Variants in CMA1 observed in about 807,000 individuals in gnomAD.
CMA1 encodes the protein chymase.
Under a neutral mutation model 18.8 loss-of-function variants are expected in CMA1, and 24 were observed. The ratio of observed to expected loss-of-function variants is 1.28; its 90% confidence interval spans 0.92 to 1.80. CMA1 has a LOEUF of 1.80. CMA1 is among the 40% of genes most tolerant of loss of function. The probability of loss-of-function intolerance (pLI) is 0.00; values close to 1 mark genes in which losing one functional copy is unlikely to be tolerated. For synonymous variants in CMA1, 152 were observed against 117.0 expected (o/e 1.30, Z -1.93); for missense variants, 421 against 302.8 (o/e 1.39, Z -2.90).
At chr14:24,507,323 C>T (rs1471908159) in intron 2 of CMA1, 33 bp downstream of exon 2, 1 of 1,613,770 alleles carries the variant, frequency 6.2e-7, no homozygotes, top group Admixed American at 1.7e-5. Context: ...TGTTCATCTC[C>T]CATTTGGAGA....
intron 1 of CMA1, 191 bp downstream of exon 1, chr14:24,507,986 TC>T (rs2043873041): frequency 3.5e-6 from 2 of 568,618 alleles, no homozygotes; most frequent in South Asian, 4.2e-5. Flanking sequence ...CTGGGGGCTG[TC>T]CTAGGCTGTA....
At chr14:24,508,114 A>G in intron 1 of CMA1, 64 bp downstream of exon 1, 1 of 1,471,572 alleles carries the variant, frequency 6.8e-7, no homozygotes, top group Non-Finnish European at 9.5e-7. Context: ...CTATTTTCAG[A>G]CTAAACATCT....
chr14:24,506,696 T>C (rs1165265483), intron 2 of CMA1, 92 bp from the exon 3 acceptor site: 1 of 1,487,758 alleles, frequency 6.7e-7, no homozygotes, highest in African/African-American at 1.4e-5. Context: ...AGGACTAAAC[T>C]CTGTCACTGG....
chr14:24,506,184 G>A lies in CMA1; in HGVS notation c.444C>T (p.Gly148=), dbSNP rs2043853540. 6.2e-7 allele frequency: 1 copy of A among 1,614,044 alleles called. No homozygotes were observed. Among genetic ancestry groups the A allele is most frequent in the Non-Finnish European group, 8.5e-7 (1 of 1,180,042 alleles). The change falls in exon 4 of 5, where the codon GGC becomes GGT. Residue 148 remains glycine, a synonymous_variant. Coordinates refer to ENST00000250378, the MANE Select transcript of CMA1 (RefSeq NM_001836.5). ...GCTTCAACACACCTGTTCTTCCCCA[G>A]CCAGCCACCCGGCACATTCTCCCAG... is the stretch of plus-strand genomic sequence containing the variant. ...VPPGRMCRVA[G]WGRTGVLKPG...
intron 2 of CMA1, 107 bp downstream of exon 2, chr14:24,507,249 T>C: frequency 7.4e-7 from 1 of 1,352,774 alleles, no homozygotes; most frequent in Non-Finnish European, 1.1e-6. Flanking sequence ...TCCTGAAAGT[T>C]GACAAGACCC....
Position 24,506,454 on chromosome 14 carries a change from G to T in CMA1, c.345+15C>A. ...GAGAATGGGAAGTGGAAAGGGAGAAGAGAGGTGTTGTCACCTTTAGTAACA... is the reference window on the plus strand; with the variant it reads ...GAGAATGGGAAGTGGAAAGGGAGAATAGAGGTGTTGTCACCTTTAGTAACA... On this transcript the variant is annotated intron_variant, in intron 3 of 4. Transcript: ENST00000250378. 6.2e-7 allele frequency: 1 copy of T among 1,613,934 alleles called. No individual in the cohort carries two copies. The highest frequency in any genetic ancestry group is 8.5e-7 in the Non-Finnish European group (1 of 1,179,896).
Position 24,508,157 on chromosome 14 carries a change from G to A in CMA1, c.58+21C>T, listed in dbSNP as rs778220218. On this transcript the variant is annotated intron_variant, in intron 1 of 4. Transcript: ENST00000250378. Reference sequence around the variant, plus strand: ...AGGAGCTGATACTGCAGATTTCAGAGGGAAGAACCCTGATACTCACCAGCT... The same window carrying A: ...AGGAGCTGATACTGCAGATTTCAGAAGGAAGAACCCTGATACTCACCAGCT... 24 of 1,611,194 alleles carry A rather than the reference G, an allele frequency of 1.5e-5. 1 individual carries two copies. Among genetic ancestry groups the A allele is most frequent in the Middle Eastern group, 3.3e-4 (2 of 6,078 alleles).
rs5249 is a variant in CMA1, at chr14:24,506,229, G to T, written c.399C>A (p.Ser133=). The change falls in exon 4 of 5, where the codon TCC becomes TCA. Residue 133 remains serine, a synonymous_variant. Transcript: ENST00000250378. ...TCCCAGGTGGGACAAAGTTGAATTG[G>T]GATGGGAAGGGGAGTGTCCCCACAG... ...TLAVGTLPFP[S]QFNFVPPGRM... 0.99 allele frequency: 1,595,472 copies of T among 1,614,068 alleles called. 790,230 individuals are homozygous for T. The highest frequency in any genetic ancestry group is 1 in the East Asian group (44,865 of 44,866).
At chr14:24,507,618 T>C in intron 1 of CMA1, 112 bp from the exon 2 acceptor site, 1 of 1,281,422 alleles carries the variant, frequency 7.8e-7, no homozygotes. Flanking sequence ...TCTCACCCTG[T>C]GTTCCGCCCA....
intron 4 of CMA1, 93 bp downstream of exon 4, chr14:24,505,935 A>G (rs971301085): frequency 6.6e-7 from 1 of 1,507,208 alleles, no homozygotes; most frequent in East Asian, 2.3e-5. Context: ...TCACCCTGTC[A>G]CTGACTGACA....
intron 1 of CMA1, among the ~76,000 whole-genome samples, chr14:24,507,764 C>T (rs10220622): frequency 0.073 from 11,141 of 152,256 alleles, 472 homozygotes; most frequent in East Asian, 0.2. Context: ...CCTGGCCCAC[C>T]CTCCTCTGTC....
At position 24,506,170 on chromosome 14, in the gene CMA1, C is replaced by T; in HGVS notation, c.458G>A (p.Gly153Asp). 6.2e-7 allele frequency: 1 copy of T among 1,614,216 alleles called. No homozygotes were observed. Among genetic ancestry groups the T allele is most frequent in the Non-Finnish European group, 8.5e-7 (1 of 1,180,044 alleles). The change falls in exon 4 of 5, where the codon GGT becomes GAT. Residue 153 changes from glycine to aspartate, a missense_variant. Physicochemically the swap from Gly to Asp is moderately conservative, Grantham distance 94 (BLOSUM62 -1). Transcript: ENST00000250378. ...MCRVAGWGRT[G>D]VLKPGSDTLQ... ...AGTGTCTGAGCCCGGCTTCAACACA[C>T]CTGTTCTTCCCCAGCCAGCCACCCG...
At chr14:24,507,901 C>G (rs2043872331) in intron 1 of CMA1, among the ~76,000 whole-genome samples, 1 of 151,904 alleles carries the variant, frequency 6.6e-6, no homozygotes, top group Non-Finnish European at 1.5e-5. Flanking sequence ...GAGGACATGT[C>G]TGTTTTCCTG....
At chr14:24,507,623 C>T (rs548101149) in intron 1 of CMA1, 117 bp from the exon 2 acceptor site, 87 of 1,211,990 alleles carry the variant, frequency 7.2e-5, no homozygotes, top group East Asian at 3.8e-4. Flanking sequence ...CCCTGTGTTC[C>T]GCCCATCTTC....
chr14:24,505,662 G>T lies in CMA1; in HGVS notation c.601-3C>A, dbSNP rs1185126501. 2 of 1,602,902 alleles carry T rather than the reference G, an allele frequency of 1.2e-6. No individual in the cohort carries two copies. The highest frequency in any genetic ancestry group is 1.1e-5 in the South Asian group (1 of 89,664). The stretch of plus-strand genomic sequence containing the variant: ...AGAAGAGGGCCCCCAGAGTCTCCCT[G>T]TAGGGGGAGGAGAGAGAGAAGAAGG... On this transcript the variant is annotated splice_polypyrimidine_tract_variant and splice_region_variant and intron_variant, in intron 4 of 4. Transcript: ENST00000250378.
At chr14:24,507,553 T>G in intron 1 of CMA1, 47 bp from the exon 2 acceptor site, 1 of 1,574,058 alleles carries the variant, frequency 6.4e-7, no homozygotes, top group Non-Finnish European at 8.6e-7. Flanking sequence ...AGATACTCTC[T>G]CCAATGAATG....
intron 2 of CMA1, 96 bp from the exon 3 acceptor site, chr14:24,506,700 T>G: frequency 6.8e-7 from 1 of 1,471,034 alleles, no homozygotes; most frequent in Non-Finnish European, 9.2e-7. Flanking sequence ...CTAAACTCTG[T>G]CACTGGGTCG....
Position 24,506,048 on chromosome 14 carries a change from T to C in CMA1, c.580A>G (p.Lys194Glu), listed in dbSNP as rs1566531730. ...NLQLCVGNPR[K>E]TKSAFKGDSG... ...ATCACCTTAAATGCAGATTTTGTCTTCCTGGGATTGCCCACACACAGCTGA... is the reference window on the plus strand; with the variant it reads ...ATCACCTTAAATGCAGATTTTGTCTCCCTGGGATTGCCCACACACAGCTGA... The change falls in exon 4 of 5, where the codon AAG becomes GAG. Residue 194 changes from lysine to glutamate, a missense_variant. By Grantham distance (56) the Lys-to-Glu change is moderately conservative. Coordinates refer to ENST00000250378, the MANE Select transcript of CMA1 (RefSeq NM_001836.5). 1 of 1,614,040 alleles carries C rather than the reference T, an allele frequency of 6.2e-7. No homozygotes were observed. The highest frequency in any genetic ancestry group is 1.3e-5 in the African/African-American group (1 of 74,928).
rs763466973 is a variant in CMA1, at chr14:24,506,558, C to A, written c.256G>T (p.Asp86Tyr). The change falls in exon 3 of 5, where the codon GAC becomes TAC. Residue 86 changes from aspartate (D) to tyrosine (Y), a missense_variant. By Grantham distance (160) the Asp-to-Tyr change is radical (BLOSUM62 -3). Coordinates refer to ENST00000250378, the MANE Select transcript of CMA1 (RefSeq NM_001836.5). The stretch of plus-strand genomic sequence containing the variant: ...ATAACCTCAAGCTTCTGCCATGTGT[C>A]TTCTTCCTCTGTTATGTTATGGGCT... ...LGAHNITEEE[D>Y]TWQKLEVIKQ... is the part of the protein sequence containing the mutation. 13 of 1,614,154 alleles carry A rather than the reference C, an allele frequency of 8.1e-6. No individual in the cohort carries two copies. In the East Asian group the frequency reaches 2.5e-4, roughly 30 times the overall value.
Sources: allele counts gnomAD v4.1 joint callset (sites outside exome capture counted in the v4.1 genomes callset), GRCh38; gene constraint gnomAD v4.1.1; transcripts MANE v1.5; gene names NCBI Gene and HGNC (gene_info 2026-07-23, HGNC 2026-07-21).